The following PCDH15 variants were observed in gnomAD, a reference collection of about 807,000 sequenced individuals.
PCDH15 encodes the protein protocadherin related 15, also known as protocadherin-15.
A neutral mutation model predicts 178.5 loss-of-function variants in PCDH15; 129 were observed. The observed-to-expected ratio is 0.72, with a 90% CI of 0.63 to 0.84. The LOEUF is 0.84. PCDH15 is among the 40% of genes least tolerant of loss of function. The pLI, the probability that PCDH15 is intolerant of heterozygous loss-of-function variation, is 0.00. For synonymous variants in PCDH15, 800 were observed against 732.0 expected (o/e 1.09, Z -1.50); for missense variants, 2,230 against 2,099.9 (o/e 1.06, Z -1.21).
intron 2 of PCDH15, among the ~76,000 whole-genome samples, chr10:54,618,874 G>A (rs2093269028): frequency 6.6e-6 from 1 of 151,648 alleles, no homozygotes; most frequent in African/African-American, 2.4e-5. Context: ...TAGAGACAAC[G>A]GCAGCATGTT....
intron 1 of PCDH15, among the ~76,000 whole-genome samples, chr10:54,768,749 C>T (rs1566182632): frequency 6.6e-6 from 1 of 152,088 alleles, no homozygotes; most frequent in Non-Finnish European, 1.5e-5. Flanking sequence ...TAGCATGAAA[C>T]CCAAGTGCCT....
intron 2 of PCDH15, among the ~76,000 whole-genome samples, chr10:54,996,333 G>A (rs935143571): frequency 1.8e-4 from 28 of 152,156 alleles, no homozygotes; most frequent in African/African-American, 6.3e-4. Flanking sequence ...AGCTGGATAT[G>A]CCGTCCTCAA....
chr10:55,572,735 G>T (rs1842429893), intron 2 of PCDH15, among the ~76,000 whole-genome samples: 1 of 152,042 alleles, frequency 6.6e-6, no homozygotes, highest in African/African-American at 2.4e-5. Flanking sequence ...GTCTCTCTGT[G>T]AAGGTTTCAT....
At chr10:54,422,262 T>C (rs1455617981) in intron 3 of PCDH15, among the ~76,000 whole-genome samples, 1 of 151,978 alleles carries the variant, frequency 6.6e-6, no homozygotes, top group Non-Finnish European at 1.5e-5. Context: ...GACCTATCTT[T>C]TACAGGCTAT....
chr10:54,237,871 A>G (rs1421077904), intron 8 of PCDH15, among the ~76,000 whole-genome samples: 2 of 152,312 alleles, frequency 1.3e-5, no homozygotes, highest in East Asian at 3.9e-4. Flanking sequence ...AAAGCCAATT[A>G]ACTGTACTGC....
At chr10:54,480,458 C>T (rs1192756136) in intron 3 of PCDH15, among the ~76,000 whole-genome samples, 1 of 151,966 alleles carries the variant, frequency 6.6e-6, no homozygotes, top group Non-Finnish European at 1.5e-5. Context: ...CTGCAATAGA[C>T]TCATAATCTT....
At chr10:55,062,201 T>C (rs532028507) in intron 2 of PCDH15, among the ~76,000 whole-genome samples, 3 of 152,098 alleles carry the variant, frequency 2.0e-5, no homozygotes, top group Admixed American at 6.6e-5. Context: ...CTCTCATGAA[T>C]GGGATTAGTG....
chr10:55,610,521 A>G (rs1343473216), intron 2 of PCDH15, among the ~76,000 whole-genome samples: 2 of 152,110 alleles, frequency 1.3e-5, no homozygotes, highest in Non-Finnish European at 2.9e-5. Flanking sequence ...GGTAGATGGT[A>G]AAGGATAAGT....
intron 27 of PCDH15, among the ~76,000 whole-genome samples, chr10:53,863,069 T>C (rs1478517493): frequency 6.6e-6 from 1 of 152,184 alleles, no homozygotes; most frequent in Non-Finnish European, 1.5e-5. Flanking sequence ...AAACACTAAA[T>C]AAACACCTTT....
At chr10:55,526,073 T>C (rs949528077) in intron 2 of PCDH15, among the ~76,000 whole-genome samples, 8 of 151,968 alleles carry the variant, frequency 5.3e-5, no homozygotes, top group South Asian at 2.1e-4. Flanking sequence ...TATTTCCTTC[T>C]CAGATATTCA....
At chr10:54,270,522 T>C (rs2057982082) in intron 8 of PCDH15, among the ~76,000 whole-genome samples, 1 of 152,152 alleles carries the variant, frequency 6.6e-6, no homozygotes, top group Non-Finnish European at 1.5e-5. Context: ...TATAAAGATG[T>C]AGGTTCTCCT....
chr10:55,273,238 A>G (rs532977926), intron 1 of PCDH15, among the ~76,000 whole-genome samples: 22 of 152,284 alleles, frequency 1.4e-4, no homozygotes, highest in African/African-American at 5.3e-4. Context: ...ATTTTTTTAC[A>G]CAAGAGTAAG....
chr10:54,237,026 T>G, intron 8 of PCDH15, 95 bp from the exon 9 acceptor site: 3 of 1,040,862 alleles, frequency 2.9e-6, no homozygotes, highest in Non-Finnish European at 4.5e-6. Context: ...CTATATAACG[T>G]CTGAGACAGT....
intron 3 of PCDH15, among the ~76,000 whole-genome samples, chr10:54,521,812 G>A (rs557249721): frequency 3.3e-5 from 5 of 151,928 alleles, no homozygotes; most frequent in Admixed American, 6.6e-5. Flanking sequence ...AAAGTTGGCC[G>A]GGCGTGGTGG....
intron 1 of PCDH15, among the ~76,000 whole-genome samples, chr10:55,310,258 T>G (rs1272317182): frequency 6.6e-6 from 1 of 152,210 alleles, no homozygotes; most frequent in Non-Finnish European, 1.5e-5. Flanking sequence ...ATATTTCTAT[T>G]TTATTATGCC....
intron 8 of PCDH15, among the ~76,000 whole-genome samples, chr10:54,284,280 G>A (rs1345073392): frequency 6.6e-6 from 1 of 152,152 alleles, no homozygotes; most frequent in Non-Finnish European, 1.5e-5. Context: ...TTTTAAATCA[G>A]AGAAAACAAA....
chr10:55,010,296 A>G (rs1000621922), intron 2 of PCDH15, among the ~76,000 whole-genome samples: 3 of 152,194 alleles, frequency 2.0e-5, no homozygotes, highest in Admixed American at 2.0e-4. Context: ...TTTAACAAAT[A>G]TGCTGGGAGG....
chr10:54,328,576 A>G (rs182532001), intron 7 of PCDH15, among the ~76,000 whole-genome samples: 1 of 152,050 alleles, frequency 6.6e-6, no homozygotes, highest in Non-Finnish European at 1.5e-5. Context: ...CACAGGTGAT[A>G]CAAGTCTAGA....
intron 2 of PCDH15, among the ~76,000 whole-genome samples, chr10:55,504,820 A>C (rs1334531): frequency 0.31 from 46,822 of 151,176 alleles, 7,375 homozygotes; most frequent in African/African-American, 0.37. Flanking sequence ...AAATAAATAC[A>C]TAGATATAAT....
Sources: allele counts gnomAD v4.1 joint callset (sites outside exome capture counted in the v4.1 genomes callset), GRCh38; gene constraint gnomAD v4.1.1; transcripts MANE v1.5; gene names NCBI Gene and HGNC (gene_info 2026-07-23, HGNC 2026-07-21).